The following SUFU variants were observed in gnomAD, a reference collection of about 807,000 sequenced individuals.
SUFU encodes SUFU negative regulator of hedgehog signaling.
A neutral mutation model predicts 58.9 loss-of-function variants in SUFU; 7 were observed. The ratio of observed to expected loss-of-function variants is 0.12; its 90% CI spans 0.07 to 0.22. The LOEUF is 0.22. SUFU is among the 10% of genes least tolerant of loss of function. The probability of loss-of-function intolerance (pLI) is 1.00; values close to 1 mark genes in which losing one functional copy is unlikely to be tolerated. For synonymous variants in SUFU, 232 were observed against 254.8 expected (o/e 0.91, Z 0.85); for missense variants, 451 against 641.3 (o/e 0.70, Z 3.20).
At chr10:102,588,740 C>T (rs1198738508) in intron 3 of SUFU, among the ~76,000 whole-genome samples, 3 of 152,122 alleles carry the variant, frequency 2.0e-5, no homozygotes, top group Admixed American at 6.5e-5. Flanking sequence ...CTAAGTCTTC[C>T]GATCCATGAA....
chr10:102,599,327 G>T (rs1051694573), intron 7 of SUFU, 106 bp from the exon 8 acceptor site: 12 of 853,716 alleles, frequency 1.4e-5, no homozygotes, highest in Non-Finnish European at 2.4e-5. Context: ...GGACTGGCCA[G>T]CGTGGTAGTT....
chr10:102,617,420 T>G lies in SUFU; in HGVS notation c.1288T>G (p.Trp430Gly). The change falls in exon 10 of 12, where the codon TGG becomes GGG. Residue 430 changes from tryptophan (W) to glycine (G), a missense_variant. Trp to Gly is a radical substitution (Grantham distance 184). Transcript: ENST00000369902. This position sits in a 1 kb window ranked among gnomAD's most constrained non-coding sequence, Gnocchi z 4.4. ...GCATCCTTACGCGGCTCATGGACCC[T>G]GGTTACAAGTGAGAAGGCCCTTTTT... ...EEHPYAAHGP[W>G]LQILLTEEFV... 6.2e-7 allele frequency: 1 copy of G among 1,614,236 alleles called. No homozygotes were observed.
At chr10:102,516,756 C>G (rs894468947) in intron 2 of SUFU, among the ~76,000 whole-genome samples, 4 of 151,662 alleles carry the variant, frequency 2.6e-5, no homozygotes, top group African/African-American at 9.7e-5. Context: ...CCATGTTGGC[C>G]AGGATGGTCT....
At chr10:102,534,283 C>T (rs1564669084) in intron 2 of SUFU, among the ~76,000 whole-genome samples, 1 of 152,100 alleles carries the variant, frequency 6.6e-6, no homozygotes, top group Non-Finnish European at 1.5e-5. Context: ...AAAAAATAAG[C>T]CGGTGTGGTG....
chr10:102,572,366 G>A (rs1432357109), intron 3 of SUFU, among the ~76,000 whole-genome samples: 7 of 148,526 alleles, frequency 4.7e-5, no homozygotes, highest in Admixed American at 2.0e-4. Flanking sequence ...GTGAGCCACC[G>A]TGACCGGCCT....
intron 8 of SUFU, among the ~76,000 whole-genome samples, chr10:102,603,031 G>A (rs1204107393): frequency 6.6e-6 from 1 of 152,204 alleles, no homozygotes; most frequent in Non-Finnish European, 1.5e-5. Flanking sequence ...AGAGATTTGA[G>A]GAGGGAAAAG....
intron 8 of SUFU, among the ~76,000 whole-genome samples, chr10:102,614,569 AC>A (rs1290216417): frequency 6.8e-6 from 1 of 146,428 alleles, no homozygotes; most frequent in Non-Finnish European, 1.5e-5. Flanking sequence ...AAAAAAAAAA[AC>A]GAAACAAAAA....
intron 3 of SUFU, among the ~76,000 whole-genome samples, chr10:102,581,500 G>C (rs1444432292): frequency 6.6e-6 from 1 of 152,178 alleles, no homozygotes; most frequent in East Asian, 1.9e-4. Context: ...TGGGCCTTCT[G>C]TTGACTTGAG....
chr10:102,523,173 A>G (rs2062571102), intron 2 of SUFU, among the ~76,000 whole-genome samples: 1 of 152,198 alleles, frequency 6.6e-6, no homozygotes, highest in South Asian at 2.1e-4. Context: ...AGTAAAAGAT[A>G]GTGGCCCTCA....
At chr10:102,592,489 A>G in intron 3 of SUFU, 93 bp from the exon 4 acceptor site, 5 of 1,447,586 alleles carry the variant, frequency 3.5e-6, no homozygotes, top group African/African-American at 1.4e-5. Flanking sequence ...GAGGCTGGGA[A>G]GCCTCCCAGC....
At chr10:102,621,516 G>A (rs559845876) in intron 10 of SUFU, among the ~76,000 whole-genome samples, 11 of 152,178 alleles carry the variant, frequency 7.2e-5, no homozygotes, top group Non-Finnish European at 1.2e-4. Context: ...CGCACCACAC[G>A]CCTCTGTCCC....
At chr10:102,605,342 C>G (rs2063553140) in intron 8 of SUFU, among the ~76,000 whole-genome samples, 1 of 152,066 alleles carries the variant, frequency 6.6e-6, no homozygotes, top group Non-Finnish European at 1.5e-5. Flanking sequence ...TGGCAAAACC[C>G]CATCTCTACA....
chr10:102,577,831 C>T (rs1184280769), intron 3 of SUFU, among the ~76,000 whole-genome samples: 2 of 151,346 alleles, frequency 1.3e-5, no homozygotes, highest in Non-Finnish European at 2.9e-5. Context: ...CAGGTGCCCA[C>T]CACCATGCCC....
At chr10:102,590,436 A>G (rs2063387567) in intron 3 of SUFU, among the ~76,000 whole-genome samples, 1 of 152,076 alleles carries the variant, frequency 6.6e-6, no homozygotes, top group African/African-American at 2.4e-5. Context: ...AAGTGCTGGG[A>G]TTACAGGCAT....
intron 2 of SUFU, among the ~76,000 whole-genome samples, chr10:102,533,369 C>T (rs1446184064): frequency 6.7e-6 from 1 of 149,234 alleles, no homozygotes; most frequent in African/African-American, 2.5e-5. Flanking sequence ...CCCAGGAGTT[C>T]GGGACCAGCC....
intron 9 of SUFU, among the ~76,000 whole-genome samples, chr10:102,615,969 G>A (rs2063682786): frequency 9.5e-6 from 1 of 105,698 alleles, no homozygotes; most frequent in African/African-American, 3.3e-5. Context: ...GACCCAGGGA[G>A]TCTCAGGTGC....
At chr10:102,621,650 G>A (rs551574748) in intron 10 of SUFU, among the ~76,000 whole-genome samples, 108 of 152,334 alleles carry the variant, frequency 7.1e-4, no homozygotes, top group African/African-American at 2.4e-3. Context: ...CACTGCCATC[G>A]TGGGTGCCAG....
intron 6 of SUFU, among the ~76,000 whole-genome samples, chr10:102,596,194 C>T (rs1307269195): frequency 6.6e-6 from 1 of 152,216 alleles, no homozygotes; most frequent in Non-Finnish European, 1.5e-5. Flanking sequence ...ACCTGTACTT[C>T]TCCCACATGG....
intron 3 of SUFU, among the ~76,000 whole-genome samples, chr10:102,584,150 G>T (rs2135840555): frequency 6.6e-6 from 1 of 152,316 alleles, no homozygotes; most frequent in East Asian, 1.9e-4. Context: ...AACAGGCTTA[G>T]ATACTGTGTT....
Sources: allele counts gnomAD v4.1 joint callset (sites outside exome capture counted in the v4.1 genomes callset), GRCh38; gene constraint gnomAD v4.1.1; non-coding constraint Gnocchi (gnomAD v3.1); transcripts MANE v1.5; gene names NCBI Gene and HGNC (gene_info 2026-07-23, HGNC 2026-07-21).